ZC3H7B: variants seen among roughly 807,000 people sequenced by gnomAD.
The protein encoded by ZC3H7B is zinc finger CCCH domain-containing protein 7B.
A neutral mutation model predicts 116.0 loss-of-function variants in ZC3H7B; 35 were observed. The observed-to-expected ratio is 0.30, with a 90% CI of 0.23 to 0.40. ZC3H7B has a LOEUF of 0.40. ZC3H7B is among the 10% of genes least tolerant of loss of function. The pLI, the probability that ZC3H7B is intolerant of heterozygous loss-of-function variation, is 1.00. For synonymous variants in ZC3H7B, 502 were observed against 545.6 expected, an observed-to-expected ratio of 0.92 and a Z score of 1.11; for missense variants, 1,011 against 1,321.5, an observed-to-expected ratio of 0.77 and a Z score of 3.64.
At chr22:41,310,925 C>T (rs1318070092) in intron 1 of ZC3H7B, among the ~76,000 whole-genome samples, 9 of 152,096 alleles carry the variant, frequency 5.9e-5, no homozygotes, top group African/African-American at 1.4e-4. Context: ...CCACCACCCC[C>T]GGCTAATTTT....
At chr22:41,342,334 T>C (rs1411370029) in intron 11 of ZC3H7B, among the ~76,000 whole-genome samples, 195 bp from the exon 12 acceptor site, 1 of 152,238 alleles carries the variant, frequency 6.6e-6, no homozygotes, top group Non-Finnish European at 1.5e-5. Context: ...CCTGATATTT[T>C]AGACTCTTGG....
At chr22:41,350,198 G>GA (rs1482047144) in intron 16 of ZC3H7B, among the ~76,000 whole-genome samples, 2 of 152,166 alleles carry the variant, frequency 1.3e-5, no homozygotes, top group Non-Finnish European at 2.9e-5. Context: ...TCTGAGGCAG[G>GA]AGCAAGCTCT....
rs1358475511 is a variant in ZC3H7B, at chr22:41,302,454, G to A, written c.-7+682G>A. On this transcript the variant is annotated intron_variant, in intron 1 of 22. Coordinates refer to ENST00000352645, the MANE Select transcript of ZC3H7B (RefSeq NM_017590.6). This position sits in a 1 kb window ranked among gnomAD's most constrained non-coding sequence, Gnocchi z 5.7. ...GCAGGATCAGTCTCTGGACTTCGAG[G>A]CCTGTGGGAGGCCCGCGGCCGTCCA... 6.6e-6 allele frequency among the ~76,000 whole-genome samples: 1 copy of A among 152,110 alleles called. No homozygotes were observed. Among genetic ancestry groups the A allele is most frequent in the African/African-American group, 2.4e-5 (1 of 41,442 alleles).
intron 10 of ZC3H7B, among the ~76,000 whole-genome samples, chr22:41,340,546 T>G (rs1846664852): frequency 6.6e-6 from 1 of 152,048 alleles, no homozygotes; most frequent in African/African-American, 2.4e-5. Context: ...AGCCGTCTTG[T>G]CTGGGCGCTG....
chr22:41,319,840 C>G (rs1838866894), intron 1 of ZC3H7B, among the ~76,000 whole-genome samples: 1 of 151,616 alleles, frequency 6.6e-6, no homozygotes, highest in Non-Finnish European at 1.5e-5. Context: ...ACCAGCCTGG[C>G]CAACATAATG....
At chr22:41,329,975 G>A in intron 5 of ZC3H7B, 48 bp from the exon 6 acceptor site, 1 of 1,602,312 alleles carries the variant, frequency 6.2e-7, no homozygotes, top group East Asian at 2.2e-5. Flanking sequence ...GCACAGCTTT[G>A]TGAGCCCGGG....
chr22:41,354,784 G>A (rs996566695), intron 17 of ZC3H7B, among the ~76,000 whole-genome samples: 1 of 152,190 alleles, frequency 6.6e-6, no homozygotes, highest in Non-Finnish European at 1.5e-5. Context: ...AGGCTGGGGC[G>A]TAGGACAGAG....
chr22:41,352,544 C>T (rs1331357450), intron 17 of ZC3H7B, among the ~76,000 whole-genome samples: 4 of 152,144 alleles, frequency 2.6e-5, no homozygotes, highest in East Asian at 1.9e-4. Context: ...GGGCGGGTCA[C>T]GAGGTCAGGA....
chr22:41,351,932 C>G lies in ZC3H7B; in HGVS notation c.2034+286C>G, dbSNP rs1462533664. ...CCACCTCCTGGTCTCAGGTGATCCT[C>G]CTGCCTCAGCCTCCTGAGTAGCTGG... On this transcript the variant is annotated intron_variant, in intron 17 of 22. Coordinates refer to ENST00000352645, the MANE Select transcript of ZC3H7B (RefSeq NM_017590.6). The surrounding 1 kb of genome is among the most constrained non-coding windows in gnomAD (Gnocchi z 5.1). Among the ~76,000 whole-genome samples, 2 of 151,536 alleles carry G rather than the reference C, an allele frequency of 1.3e-5. No homozygotes were observed. The highest frequency in any genetic ancestry group is 4.9e-5 in the African/African-American group (2 of 40,846).
intron 1 of ZC3H7B, among the ~76,000 whole-genome samples, chr22:41,313,309 T>C (rs748150443): frequency 7.2e-5 from 11 of 152,034 alleles, no homozygotes; most frequent in East Asian, 1.9e-4. Context: ...TTAGTAGAGA[T>C]GGGGTTTCAC....
intron 4 of ZC3H7B, among the ~76,000 whole-genome samples, chr22:41,326,139 T>A (rs5758298): frequency 5.9e-5 from 9 of 152,192 alleles, no homozygotes; most frequent in South Asian, 2.1e-4. Context: ...AAAAAGTTTT[T>A]AAAAAAAATG....
chr22:41,355,690 CTCCA>C, intron 18 of ZC3H7B, 63 bp from the exon 19 acceptor site: 1 of 1,611,500 alleles, frequency 6.2e-7, no homozygotes, highest in Non-Finnish European at 8.5e-7. Context: ...GGCCAGGGCT[CTCCA>C]CAGAGGTCAC....
At position 41,357,304 on chromosome 22, in the gene ZC3H7B, A is replaced by T; in HGVS notation, c.2809A>T (p.Met937Leu). 1 of 1,613,794 alleles carries T rather than the reference A, an allele frequency of 6.2e-7. No individual in the cohort carries two copies. Among genetic ancestry groups the T allele is most frequent in the Non-Finnish European group, 8.5e-7 (1 of 1,179,972 alleles). Residue 937 changes from methionine to leucine, a missense_variant, in exon 23 of 23, where the codon ATG (methionine) becomes TTG (leucine). Met to Leu is a conservative substitution (Grantham distance 15). Transcript: ENST00000352645. The surrounding 1 kb of genome is among the most constrained non-coding windows in gnomAD (Gnocchi z 5.4). ...KQKLAKARKDMLLCPRDDDFG... is the reference protein window; with the variant it reads ...KQKLAKARKDLLLCPRDDDFG... ...GAAGTTGGCCAAGGCTCGCAAGGAC[A>T]TGCTGCTGTGCCCACGGGACGACGA...
chr22:41,309,716 T>C (rs1339256008), intron 1 of ZC3H7B, among the ~76,000 whole-genome samples: 3 of 152,174 alleles, frequency 2.0e-5, no homozygotes, highest in Non-Finnish European at 4.4e-5. Context: ...GCTGGTTTAT[T>C]TGTCTTCCTG....
intron 5 of ZC3H7B, among the ~76,000 whole-genome samples, chr22:41,328,208 C>T (rs891005044): frequency 3.3e-5 from 5 of 152,130 alleles, no homozygotes; most frequent in South Asian, 2.1e-4. Context: ...AACAGATCCA[C>T]ACCTAGGTCT....
At chr22:41,353,010 G>A (rs1251876150) in intron 17 of ZC3H7B, among the ~76,000 whole-genome samples, 4 of 151,936 alleles carry the variant, frequency 2.6e-5, no homozygotes, top group African/African-American at 9.7e-5. Context: ...AACCCAGGAG[G>A]CAGAGGTTGC....
intron 17 of ZC3H7B, among the ~76,000 whole-genome samples, chr22:41,352,418 T>A (rs556334124): frequency 2.6e-5 from 4 of 152,342 alleles, no homozygotes; most frequent in African/African-American, 9.6e-5. Flanking sequence ...TTCCTCTTTG[T>A]AATTAAGACT....
chr22:41,351,548 C>T lies in ZC3H7B; in HGVS notation c.1949-13C>T, dbSNP rs772363124. On this transcript the variant is annotated splice_polypyrimidine_tract_variant and intron_variant, in intron 16 of 22. Transcript: ENST00000352645. This position sits in a 1 kb window ranked among gnomAD's most constrained non-coding sequence, Gnocchi z 5.1. ...CCTTGAAAGATGCCTGTGTCTGCCC[C>T]CACCCTCCCCAGGCATGACCCACGA... The T allele has an allele frequency of 1.2e-6, 2 of 1,610,724 alleles. No homozygotes were observed. Among genetic ancestry groups the T allele is most frequent in the Non-Finnish European group, 1.7e-6 (2 of 1,178,594 alleles).
intron 6 of ZC3H7B, 121 bp from the exon 7 acceptor site, chr22:41,332,050 C>T: frequency 4.9e-6 from 5 of 1,015,350 alleles, no homozygotes; most frequent in Non-Finnish European, 7.4e-6. Context: ...GACAGGGACT[C>T]TCGGGGGCGC....
Sources: allele counts gnomAD v4.1 joint callset (sites outside exome capture counted in the v4.1 genomes callset), GRCh38; gene constraint gnomAD v4.1.1; non-coding constraint Gnocchi (gnomAD v3.1); transcripts MANE v1.5; gene names NCBI Gene and HGNC (gene_info 2026-07-23, HGNC 2026-07-21).